Variants in MCF2L observed in about 807,000 individuals in gnomAD.
MCF2L encodes the protein guanine nucleotide exchange factor DBS.
MCF2L carries 97 observed loss-of-function variants against 153.4 expected under a neutral mutation model. The ratio of observed to expected loss-of-function variants is 0.63; its 90% CI spans 0.54 to 0.75. The LOEUF (loss-of-function observed/expected upper bound fraction) is 0.75, where lower values mean the gene tolerates loss of function less well. Ranked by LOEUF, MCF2L falls within the 30% of genes least tolerant of loss-of-function variation. The pLI is 0.00. For synonymous variants in MCF2L, 659 were observed against 632.2 expected (o/e 1.04, Z -0.64); for missense variants, 1,347 against 1,495.2 (o/e 0.90, Z 1.64).
intron 3 of MCF2L, among the ~76,000 whole-genome samples, chr13:113,030,306 CG>C (rs2085576006): frequency 8.2e-6 from 1 of 121,214 alleles, no homozygotes; most frequent in Non-Finnish European, 1.7e-5. Flanking sequence ...TGTCCGCCGA[CG>C]CCCGGTGTGG....
upstream of MCF2L, among the ~76,000 whole-genome samples, chr13:112,968,145 G>T (rs1049853300): frequency 6.7e-6 from 1 of 148,718 alleles, no homozygotes; most frequent in African/African-American, 2.5e-5. Flanking sequence ...AGTGAGGTGG[G>T]GGGGGGGGTC....
chr13:112,918,519 GA>G (rs1048384299), intron 2 of MCF2L, among the ~76,000 whole-genome samples: 6 of 152,162 alleles, frequency 3.9e-5, no homozygotes, highest in Admixed American at 3.3e-4. Flanking sequence ...GTAGGGAGGG[GA>G]CCACACCCTG....
rs2081299691 is a variant in MCF2L at position 112,917,037 on chromosome 13, T to C, written c.169+14666T>C. The C allele has an allele frequency of 6.4e-6, 3 of 470,246 alleles. No homozygotes were observed. The Admixed American group carries it at 7.0e-5, about 11-fold the overall frequency. The allele number at this position is 470,246 out of a possible 1,614,324, so 29.1% of individuals were successfully genotyped here. On this transcript the variant is annotated intron_variant, in intron 2 of 29. Transcript: ENST00000375608. ...CTCCCTCATCGCCAAGTCTGAGTTC[T>C]CCCCGGATTCCTGTCAACTCAAAGG...
At chr13:112,986,698 G>A (rs553883624) in intron 1 of MCF2L, among the ~76,000 whole-genome samples, 18 of 152,348 alleles carry the variant, frequency 1.2e-4, no homozygotes, top group South Asian at 4.1e-4. Flanking sequence ...TCTGCTGGGC[G>A]GGCCTGCCTG....
chr13:112,905,921 G>C (rs1475798315), intron 2 of MCF2L, among the ~76,000 whole-genome samples: 2 of 152,162 alleles, frequency 1.3e-5, no homozygotes, highest in Non-Finnish European at 2.9e-5. Context: ...GCCGCATCAT[G>C]CAAGTATTTA....
chr13:112,913,720 C>T (rs921200588), intron 2 of MCF2L, among the ~76,000 whole-genome samples: 6 of 152,030 alleles, frequency 3.9e-5, no homozygotes, highest in African/African-American at 1.5e-4. Context: ...ACGGCTGCCC[C>T]AGGGATGCTG....
At chr13:113,073,216 A>T (rs533696690) in intron 9 of MCF2L, among the ~76,000 whole-genome samples, 6 of 152,188 alleles carry the variant, frequency 3.9e-5, no homozygotes, top group Admixed American at 2.0e-4. Flanking sequence ...AAATGTGTTG[A>T]GATTTGTTTT....
At chr13:112,989,590 C>T (rs1367443599) in intron 1 of MCF2L, among the ~76,000 whole-genome samples, 1 of 19,148 alleles carries the variant, frequency 5.2e-5, no homozygotes, top group East Asian at 5.0e-4. Flanking sequence ...CTACCACGCC[C>T]GAGTCCTCCC....
chr13:112,989,237 G>A (rs1400496478), intron 1 of MCF2L, among the ~76,000 whole-genome samples: 1 of 148,968 alleles, frequency 6.7e-6, no homozygotes, highest in Non-Finnish European at 1.5e-5. Flanking sequence ...TCCCTGAGCA[G>A]GAGATGGAGC....
At chr13:113,048,083 G>C (rs1396564758) in intron 4 of MCF2L, among the ~76,000 whole-genome samples, 1 of 152,242 alleles carries the variant, frequency 6.6e-6, no homozygotes, top group African/African-American at 2.4e-5. Context: ...ATTTCTGCGA[G>C]GTCACCCTAC....
At position 113,096,612 on chromosome 13, in the gene MCF2L, G is replaced by A; in HGVS notation, c.3251G>A (p.Arg1084Gln). 1.3e-6 allele frequency: 2 copies of A among 1,598,928 alleles called. No homozygotes were observed. Among genetic ancestry groups the A allele is most frequent in the Non-Finnish European group, 8.5e-7 (1 of 1,177,142 alleles). The change falls in exon 29 of 30, where the codon CGG becomes CAG. Residue 1084 changes from arginine (R) to glutamine (Q), a missense_variant. Arg to Gln is a conservative substitution (Grantham distance 43). Coordinates refer to ENST00000535094, the MANE Select transcript of MCF2L (RefSeq NM_001112732.3). ...GWVPASSLSV[R>Q]LGPSGSAQCL... ...GTGCCGGCCAGCAGCCTGTCCGTCC[G>A]GCTCGGCCCGTCCGGCTCGGCCCAG... is the stretch of plus-strand genomic sequence containing the variant.
At chr13:113,005,557 T>TGTGGTCTGTTTGTGGTGGCC (rs1001081400) in intron 1 of MCF2L, among the ~76,000 whole-genome samples, 2 of 151,810 alleles carry the variant, frequency 1.3e-5, no homozygotes, top group Non-Finnish European at 2.9e-5. Context: ...TCTGGGTGGC[T>TGTGGTCTGTTTGTGGTGGCC]GTGGTCTGTT....
In MCF2L at chr13:113,026,718, G is replaced by A; in HGVS notation, c.278+1960G>A. 4 of 590,152 alleles carry A rather than the reference G, an allele frequency of 6.8e-6. No homozygotes were observed. The South Asian group carries it at 8.3e-5, about 12-fold the overall frequency. 36.6% of individuals were successfully genotyped at this position (590,152 alleles called of 1,614,324 possible). A position where few individuals can be genotyped will look rare whatever the true frequency, so the allele number is the denominator to read the frequency against. On this transcript the variant is annotated intron_variant, in intron 3 of 29. Coordinates refer to ENST00000535094, the MANE Select transcript of MCF2L (RefSeq NM_001112732.3). The stretch of plus-strand genomic sequence containing the variant: ...GGCCCTGGGGGCGTGGCCGCCTCCT[G>A]CCCTTTCCAGGAAAGAACTGACCCC...
At chr13:112,905,891 G>A (rs946342064) in intron 2 of MCF2L, among the ~76,000 whole-genome samples, 4 of 152,200 alleles carry the variant, frequency 2.6e-5, no homozygotes, top group African/African-American at 9.7e-5. Flanking sequence ...CCTTGGGGTT[G>A]CCTCCCCAGA....
chr13:113,072,168 A>C (rs2032983822), intron 9 of MCF2L, among the ~76,000 whole-genome samples: 1 of 152,176 alleles, frequency 6.6e-6, no homozygotes, highest in Non-Finnish European at 1.5e-5. Flanking sequence ...AACACAATTG[A>C]TTTTTGTATA....
chr13:112,902,512 C>G (rs1481567444), intron 2 of MCF2L: 7 of 899,478 alleles, frequency 7.8e-6, no homozygotes, highest in Non-Finnish European at 1.1e-5. Context: ...AGGTAGCAGG[C>G]TGTGGGAGGG....
chr13:112,942,679 A>C (rs1489872584), intron 2 of MCF2L, among the ~76,000 whole-genome samples: 1 of 152,240 alleles, frequency 6.6e-6, no homozygotes, highest in Non-Finnish European at 1.5e-5. Context: ...ATTAGTAAAA[A>C]AACTCTGTCT....
At chr13:113,030,814 C>T (rs2993314) in intron 3 of MCF2L, among the ~76,000 whole-genome samples, 35,866 of 152,068 alleles carry the variant, frequency 0.24, 4,604 homozygotes, top group East Asian at 0.49. Flanking sequence ...CCCTGTATGG[C>T]CCCCTTAGAA....
At chr13:112,984,534 G>A (rs183727704) in intron 1 of MCF2L, among the ~76,000 whole-genome samples, 28 of 151,994 alleles carry the variant, frequency 1.8e-4, no homozygotes, top group African/African-American at 6.3e-4. Context: ...CATTGCGCCC[G>A]GCCTAGAAAT....
Sources: gnomAD v4.1 joint callset for allele counts (sites outside exome capture counted in the v4.1 genomes callset) on GRCh38, gnomAD v4.1.1 for gene constraint, MANE v1.5 for transcripts, NCBI Gene and HGNC (gene_info 2026-07-23, HGNC 2026-07-21) for gene names.